The following RAB3GAP1 variants were observed in gnomAD, a reference collection of about 807,000 sequenced individuals.
RAB3GAP1 encodes the protein RAB3 GTPase activating protein catalytic subunit 1, also known as rab3 GTPase-activating protein catalytic subunit.
Under a neutral mutation model 130.7 loss-of-function variants are expected in RAB3GAP1, and 86 were observed. The observed-to-expected ratio is 0.66, with a 90% confidence interval of 0.55 to 0.79. The LOEUF (loss-of-function observed/expected upper bound fraction) is 0.79. RAB3GAP1 is among the 30% of genes least tolerant of loss of function. RAB3GAP1 has a pLI of 0.00. For missense variants in RAB3GAP1, 1,029 were observed against 1,169.4 expected (o/e 0.88, Z 1.75); for synonymous variants, 367 against 401.7 (o/e 0.91, Z 1.03).
At chr2:135,093,015 G>C (rs780683897) in intron 4 of RAB3GAP1, among the ~76,000 whole-genome samples, 13 of 152,148 alleles carry the variant, frequency 8.5e-5, no homozygotes, top group Non-Finnish European at 1.6e-4. Flanking sequence ...AAAATAAAAA[G>C]TATAGATCTG....
chr2:135,071,532 TAAA>T (rs60734828), intron 3 of RAB3GAP1, among the ~76,000 whole-genome samples: 6 of 141,326 alleles, frequency 4.2e-5, no homozygotes, highest in Admixed American at 7.1e-5. Context: ...AGTCGTAGGT[TAAA>T]AAAAAAAAAA....
intron 9 of RAB3GAP1, 95 bp downstream of exon 9, chr2:135,124,341 G>A: frequency 8.0e-7 from 1 of 1,245,312 alleles, no homozygotes; most frequent in East Asian, 2.4e-5. Context: ...GCTATAGCTT[G>A]CTGGGATGAA....
chr2:135,119,685 A>G (rs959546172), intron 7 of RAB3GAP1, among the ~76,000 whole-genome samples: 2 of 152,220 alleles, frequency 1.3e-5, no homozygotes, highest in East Asian at 3.8e-4. Flanking sequence ...TCTTAAAGCT[A>G]CTAGTGACAT....
intron 18 of RAB3GAP1, among the ~76,000 whole-genome samples, chr2:135,151,336 A>G (rs1692166807): frequency 6.6e-6 from 1 of 152,116 alleles, no homozygotes; most frequent in Non-Finnish European, 1.5e-5. Flanking sequence ...CACCTTGCCA[A>G]TCCATATCCC....
At chr2:135,052,600 G>A (rs1026826250) in intron 2 of RAB3GAP1, 115 bp downstream of exon 2, 10 of 1,248,796 alleles carry the variant, frequency 8.0e-6, no homozygotes, top group Admixed American at 7.5e-5. Flanking sequence ...CGGTAATACC[G>A]TGGGTCCCGG....
At position 135,091,049 on chromosome 2, in the gene RAB3GAP1, G is replaced by A. The variant is rs1690128500; in HGVS notation, c.202G>A (p.Ala68Thr). The stretch of plus-strand genomic sequence containing the variant: ...AGAGAAATCAGATGAAATTTCCTTT[G>A]CTGACTTCAAGTTCTCAGTCACTCA... ...WEEKSDEISF[A>T]DFKFSVTHHY... Residue 68 changes from alanine to threonine, a missense_variant, in exon 4 of 24, where the codon GCT becomes ACT. Physicochemically the swap from Ala to Thr is moderately conservative, Grantham distance 58. This residue lies in a region of RAB3GAP1 where 510 missense variants were observed against 532.1 expected (regional missense o/e 0.96). Transcript: ENST00000264158. 1 of 1,611,120 alleles carries A rather than the reference G, an allele frequency of 6.2e-7. No homozygotes were observed. The highest frequency in any genetic ancestry group is 8.5e-7 in the Non-Finnish European group (1 of 1,177,568).
intron 11 of RAB3GAP1, 35 bp from the exon 12 acceptor site, chr2:135,129,960 G>A (rs1463903841): frequency 3.9e-6 from 5 of 1,285,250 alleles, no homozygotes; most frequent in African/African-American, 1.5e-5. Context: ...TTTTTTTTCA[G>A]TTAAGTGTCA....
intron 5 of RAB3GAP1, among the ~76,000 whole-genome samples, chr2:135,102,441 A>G (rs1051822107): frequency 6.6e-6 from 1 of 152,174 alleles, no homozygotes; most frequent in Middle Eastern, 3.2e-3. Context: ...TAAGTCACCA[A>G]ATTTGTAGTA....
chr2:135,090,510 G>A (rs1689116628), intron 3 of RAB3GAP1, among the ~76,000 whole-genome samples: 1 of 152,114 alleles, frequency 6.6e-6, no homozygotes, highest in South Asian at 2.1e-4. Flanking sequence ...GAGCTCTTTG[G>A]AACTCTTAAT....
Position 135,163,040 on chromosome 2 carries a change from C to T in RAB3GAP1, c.2545C>T (p.Leu849=), listed in dbSNP as rs1334407930. The change falls in exon 22 of 24, where the codon CTA becomes TTA. Residue 849 remains leucine (L), a synonymous_variant. Transcript: ENST00000264158. The stretch of plus-strand genomic sequence containing the variant: ...AGCTCTCATTGCCAGAGCTCGGTCA[C>T]TAAAAGCCAAGTTTGGAACTGAGAA... ...VEALIARARS[L]KAKFGTEKCE... The T allele has an allele frequency of 6.8e-6, 11 of 1,613,910 alleles. No homozygotes were observed. The African/African-American group carries it at 1.3e-4, about 20-fold the overall frequency.
chr2:135,093,151 A>G (rs1690192197), intron 4 of RAB3GAP1, among the ~76,000 whole-genome samples: 1 of 152,184 alleles, frequency 6.6e-6, no homozygotes, highest in Non-Finnish European at 1.5e-5. Context: ...GTGGATAGTA[A>G]TTTAAGTGTG....
At chr2:135,121,544 G>A (rs1691202941) in intron 8 of RAB3GAP1, among the ~76,000 whole-genome samples, 1 of 152,046 alleles carries the variant, frequency 6.6e-6, no homozygotes, top group Admixed American at 6.5e-5. Flanking sequence ...TCAGTTTCAT[G>A]GACATATATC....
intron 6 of RAB3GAP1, 143 bp downstream of exon 6, chr2:135,113,413 G>A (rs1341660671): frequency 9.5e-7 from 1 of 1,057,994 alleles, no homozygotes; most frequent in African/African-American, 1.6e-5. Context: ...TTGACTTGAG[G>A]TTACCTCTGT....
chr2:135,122,159 A>AT (rs1691224108), intron 8 of RAB3GAP1, among the ~76,000 whole-genome samples: 1 of 152,168 alleles, frequency 6.6e-6, no homozygotes. Context: ...TACTACTACT[A>AT]TTTTATTTTA....
At chr2:135,070,790 C>T (rs1270202537) in intron 3 of RAB3GAP1, among the ~76,000 whole-genome samples, 2 of 152,082 alleles carry the variant, frequency 1.3e-5, no homozygotes, top group African/African-American at 4.8e-5. Flanking sequence ...CCACGCCCGG[C>T]CTGTAAAGGG....
At chr2:135,065,992 C>T (rs1401530802) in intron 3 of RAB3GAP1, among the ~76,000 whole-genome samples, 2 of 151,954 alleles carry the variant, frequency 1.3e-5, no homozygotes, top group African/African-American at 4.8e-5. Context: ...CCAGAATGGT[C>T]TCAATCTCTT....
chr2:135,170,938 C>T (rs1049978841), downstream of RAB3GAP1, among the ~76,000 whole-genome samples: 2 of 152,152 alleles, frequency 1.3e-5, no homozygotes, highest in African/African-American at 2.4e-5. Context: ...TGGTCTCGGC[C>T]ATGTCTTTCT....
At chr2:135,119,172 G>T (rs1176423809) in intron 7 of RAB3GAP1, among the ~76,000 whole-genome samples, 2 of 143,056 alleles carry the variant, frequency 1.4e-5, no homozygotes, top group African/African-American at 5.1e-5. Context: ...GCAGTGGCAC[G>T]ATCTTGGCTC....
intron 5 of RAB3GAP1, among the ~76,000 whole-genome samples, chr2:135,106,698 C>T (rs901519879): frequency 3.1e-4 from 47 of 150,682 alleles, no homozygotes; most frequent in African/African-American, 1.0e-3. Context: ...CCACTATTGT[C>T]CTATGACCCT....
Sources: allele counts gnomAD v4.1 joint callset (sites outside exome capture counted in the v4.1 genomes callset), GRCh38; gene constraint gnomAD v4.1.1; regional missense constraint gnomAD v4.1.1; transcripts MANE v1.5; gene names NCBI Gene and HGNC (gene_info 2026-07-23, HGNC 2026-07-21).